CXCL13: variants seen among roughly 807,000 people sequenced by gnomAD.
CXCL13 encodes the protein C-X-C motif chemokine ligand 13, also known as C-X-C motif chemokine 13.
In CXCL13, 7 loss-of-function variants were observed where a neutral mutation model predicts 12.2. That is an observed-to-expected ratio of 0.57 (90% CI 0.33 to 1.07). The LOEUF is 1.07. Among genes scored for constraint, CXCL13 ranks in the 50% least tolerant of loss-of-function variants. CXCL13 has a pLI of 0.04. For missense variants in CXCL13, 113 were observed against 127.4 expected, an observed-to-expected ratio of 0.89 and a Z score of 0.55; for synonymous variants, 47 against 42.4, an observed-to-expected ratio of 1.11 and a Z score of -0.42.
chr4:77,544,160 G>A (rs183649189), intron 1 of CXCL13, among the ~76,000 whole-genome samples: 2 of 152,270 alleles, frequency 1.3e-5, no homozygotes, highest in Admixed American at 1.3e-4. Context: ...TAGACATTTG[G>A]GTTGGTTCCA....
chr4:77,591,152 C>G (rs1165206517), intron 1 of CXCL13, among the ~76,000 whole-genome samples: 1 of 152,184 alleles, frequency 6.6e-6, no homozygotes, highest in African/African-American at 2.4e-5. Flanking sequence ...ATTACATATA[C>G]TGTACTATTA....
In CXCL13 at chr4:77,594,517, C is replaced by T. The variant is rs144391938; in HGVS notation, c.-42-11307C>T. ...TTAGAGCTATTGGGCATCAACATAG[C>T]TCAAAAGCTTCCCTCTGGCCATAAT... is the stretch of plus-strand genomic sequence containing the variant. On this transcript the variant is annotated intron_variant, in intron 1 of 4. Coordinates refer to the CXCL13 transcript ENST00000286758. Among the ~76,000 whole-genome samples the T allele has an allele frequency of 4.2e-3, 644 of 152,068 alleles. 4 individuals carry two copies. Among genetic ancestry groups the T allele is most frequent in the African/African-American group, 0.015 (604 of 41,328 alleles).
At chr4:77,570,069 C>A (rs1348318782) in intron 1 of CXCL13, among the ~76,000 whole-genome samples, 1 of 152,172 alleles carries the variant, frequency 6.6e-6, no homozygotes, top group Non-Finnish European at 1.5e-5. Context: ...ACTGGTAAGC[C>A]ATATGCAGAA....
chr4:77,582,081 C>A (rs188288372), intron 1 of CXCL13, among the ~76,000 whole-genome samples: 12 of 152,206 alleles, frequency 7.9e-5, no homozygotes. Flanking sequence ...AAAAAAACAT[C>A]ATTCTATTCT....
chr4:77,565,350 A>T (rs956280370), intron 1 of CXCL13, among the ~76,000 whole-genome samples: 13 of 152,044 alleles, frequency 8.6e-5, no homozygotes, highest in Non-Finnish European at 1.8e-4. Context: ...CCCAAACACA[A>T]CTCAGATTCA....
chr4:77,600,599 G>A (rs1401599184), intron 1 of CXCL13, among the ~76,000 whole-genome samples: 1 of 152,200 alleles, frequency 6.6e-6, no homozygotes, highest in Non-Finnish European at 1.5e-5. Flanking sequence ...GAAACAAGAT[G>A]AGTATTTTGC....
chr4:77,545,336 A>G (rs1024144379), intron 1 of CXCL13, among the ~76,000 whole-genome samples: 2 of 152,052 alleles, frequency 1.3e-5, no homozygotes, highest in East Asian at 1.9e-4. Flanking sequence ...ATTACCTTGG[A>G]CAGTATGGCC....
chr4:77,518,316 T>G (rs975804830), intron 1 of CXCL13, among the ~76,000 whole-genome samples: 7 of 152,174 alleles, frequency 4.6e-5, no homozygotes, highest in Non-Finnish European at 7.3e-5. Context: ...GCGTTCTCTG[T>G]ATTTCCCTAA....
At chr4:77,606,748 G>A (rs1727011582) in intron 1 of CXCL13, among the ~76,000 whole-genome samples, 1 of 152,070 alleles carries the variant, frequency 6.6e-6, no homozygotes, top group Non-Finnish European at 1.5e-5. Context: ...AACCTTCTGT[G>A]GTATTTTAGT....
chr4:77,544,113 A>G, intron 1 of CXCL13, among the ~76,000 whole-genome samples: 1 of 152,224 alleles, frequency 6.6e-6, no homozygotes, highest in Non-Finnish European at 1.5e-5. Flanking sequence ...TCCATGGAGT[A>G]CATGTGCAAC....
intron 1 of CXCL13, among the ~76,000 whole-genome samples, chr4:77,536,512 T>C (rs186309192): frequency 2.6e-5 from 4 of 152,312 alleles, no homozygotes; most frequent in Admixed American, 2.6e-4. Flanking sequence ...CCTTATCCTC[T>C]CTGTGTTTCA....
At chr4:77,578,291 T>G (rs1023582525) in intron 1 of CXCL13, among the ~76,000 whole-genome samples, 2 of 152,182 alleles carry the variant, frequency 1.3e-5, no homozygotes, top group Non-Finnish European at 2.9e-5. Context: ...GAGCCACAGA[T>G]GATGGCCCTG....
chr4:77,512,527 G>A (rs1419171457), intron 1 of CXCL13, among the ~76,000 whole-genome samples: 1 of 152,120 alleles, frequency 6.6e-6, no homozygotes, highest in African/African-American at 2.4e-5. Context: ...GTAAATGGCT[G>A]TCTTCTCCCT....
chr4:77,565,880 GTAAT>G (rs1452107254), intron 1 of CXCL13, among the ~76,000 whole-genome samples: 1 of 152,202 alleles, frequency 6.6e-6, no homozygotes, highest in East Asian at 1.9e-4. Flanking sequence ...AGGTGGATGT[GTAAT>G]TAGTTTTCCA....
chr4:77,512,049 G>C (rs908942622), intron 1 of CXCL13, among the ~76,000 whole-genome samples: 2 of 152,152 alleles, frequency 1.3e-5, no homozygotes, highest in Non-Finnish European at 2.9e-5. Flanking sequence ...TGGTTGTATA[G>C]TCTGTTCAGA....
chr4:77,604,072 T>C (rs1726949312), upstream of CXCL13, among the ~76,000 whole-genome samples: 1 of 152,168 alleles, frequency 6.6e-6, no homozygotes. Flanking sequence ...AGAAATAACT[T>C]GCTGGCCAGC....
chr4:77,598,307 T>C (rs1379514739), intron 1 of CXCL13, among the ~76,000 whole-genome samples: 2 of 152,180 alleles, frequency 1.3e-5, no homozygotes, highest in African/African-American at 4.8e-5. Flanking sequence ...TTCAGCCACA[T>C]CCATAGAGTT....
At chr4:77,578,809 C>G (rs1290710727) in intron 1 of CXCL13, among the ~76,000 whole-genome samples, 1 of 152,162 alleles carries the variant, frequency 6.6e-6, no homozygotes, top group African/African-American at 2.4e-5. Context: ...CATTCTTATT[C>G]TCTGGTCTCT....
intron 1 of CXCL13, among the ~76,000 whole-genome samples, chr4:77,513,280 C>A (rs951652806): frequency 3.3e-5 from 5 of 152,094 alleles, no homozygotes; most frequent in Non-Finnish European, 5.9e-5. Context: ...GATTTATAAT[C>A]CTTTGGGCAT....
Sources: allele counts gnomAD v4.1 joint callset (sites outside exome capture counted in the v4.1 genomes callset), GRCh38; gene constraint gnomAD v4.1.1; transcripts MANE v1.5; gene names NCBI Gene and HGNC (gene_info 2026-07-23, HGNC 2026-07-21).